The following ADAMTSL1 variants were observed in gnomAD, a reference collection of about 807,000 sequenced individuals.
The protein encoded by ADAMTSL1 is ADAMTS like 1, also known as ADAMTS-like protein 1.
In ADAMTSL1, 126 loss-of-function variants were observed where a neutral mutation model predicts 201.8. That is an observed-to-expected ratio of 0.62 (90% CI 0.54 to 0.72). ADAMTSL1 has a LOEUF of 0.72. Among genes scored for constraint, ADAMTSL1 ranks in the 30% least tolerant of loss-of-function variants. The pLI, the probability that ADAMTSL1 is intolerant of heterozygous loss-of-function variation, is 0.00. For synonymous variants in ADAMTSL1, 1,121 were observed against 903.4 expected, an observed-to-expected ratio of 1.24 and a Z score of -4.32; for missense variants, 2,679 against 2,277.8, an observed-to-expected ratio of 1.18 and a Z score of -3.59.
intron 1 of ADAMTSL1, among the ~76,000 whole-genome samples, chr9:17,959,215 G>A (rs888946635): frequency 6.6e-6 from 1 of 152,096 alleles, no homozygotes; most frequent in Admixed American, 6.6e-5. Flanking sequence ...CTAGAATTTG[G>A]CTGAACAGCA....
rs148099742 is a variant in ADAMTSL1, at chr9:18,615,100, A to G, written c.475-7143A>G. ...TTATGTAGTTTTATTGCAGATAAAT[A>G]TATTTCCATTAGGCTTTTGGAAACA... On this transcript the variant is annotated intron_variant, in intron 4 of 28. Transcript: ENST00000380548. 2.0e-5 allele frequency among the ~76,000 whole-genome samples: 3 copies of G among 152,338 alleles called. No homozygotes were observed. The East Asian group carries it at 5.8e-4, about 29-fold the overall frequency.
intron 2 of ADAMTSL1, among the ~76,000 whole-genome samples, chr9:18,307,874 A>C (rs761679295): frequency 2.6e-5 from 4 of 152,146 alleles, no homozygotes; most frequent in African/African-American, 9.6e-5. Context: ...CTCTTCACCC[A>C]AAATCAACAG....
At chr9:18,388,512 G>T (rs1366368926) in intron 2 of ADAMTSL1, among the ~76,000 whole-genome samples, 1 of 151,966 alleles carries the variant, frequency 6.6e-6, no homozygotes, top group African/African-American at 2.4e-5. Flanking sequence ...GACCTCAAGT[G>T]TTCTGCCTGC....
intron 1 of ADAMTSL1, among the ~76,000 whole-genome samples, chr9:18,018,565 G>A (rs886776479): frequency 6.6e-6 from 1 of 152,006 alleles, no homozygotes; most frequent in Non-Finnish European, 1.5e-5. Flanking sequence ...TGATCACTAT[G>A]GGAGAAGCCA....
At position 18,761,098 on chromosome 9, in the gene ADAMTSL1, AC is replaced by A. The variant is rs377271996; in HGVS notation, c.2217+7591del. On this transcript the variant is annotated intron_variant, in intron 16 of 28. Coordinates refer to ENST00000380548, the MANE Select transcript of ADAMTSL1 (RefSeq NM_001040272.6). ...AAAGAATGAATGAGTGAATGAAGAA[AC>A]AAGTGAAGTGAGTTGGAAGTTGTAA... Among the ~76,000 whole-genome samples, 12 of 152,356 alleles carry A rather than the reference AC, an allele frequency of 7.9e-5. No homozygotes were observed. The East Asian group carries it at 2.3e-3, about 29-fold the overall frequency.
At chr9:17,936,478 G>T (rs955428760) in intron 1 of ADAMTSL1, among the ~76,000 whole-genome samples, 1 of 152,152 alleles carries the variant, frequency 6.6e-6, no homozygotes, top group Non-Finnish European at 1.5e-5. Flanking sequence ...GACCTCAGGC[G>T]AGTCTAGTAG....
At chr9:18,126,853 C>T (rs1825752230) in intron 1 of ADAMTSL1, among the ~76,000 whole-genome samples, 2 of 152,044 alleles carry the variant, frequency 1.3e-5, no homozygotes, top group African/African-American at 4.8e-5. Flanking sequence ...ATGTTGAAAA[C>T]CCAGATTGCA....
At chr9:18,619,131 C>A (rs1023187998) in intron 4 of ADAMTSL1, among the ~76,000 whole-genome samples, 2 of 152,066 alleles carry the variant, frequency 1.3e-5, no homozygotes, top group African/African-American at 4.8e-5. Context: ...AGCATGTGCA[C>A]AGAGGGCCAA....
At chr9:18,014,294 A>C (rs902858314) in intron 1 of ADAMTSL1, among the ~76,000 whole-genome samples, 1 of 152,024 alleles carries the variant, frequency 6.6e-6, no homozygotes, top group Non-Finnish European at 1.5e-5. Context: ...ATGCAACATC[A>C]TGTGAAAATT....
chr9:18,478,797 T>A (rs1821587724), intron 1 of ADAMTSL1, among the ~76,000 whole-genome samples: 1 of 152,230 alleles, frequency 6.6e-6, no homozygotes, highest in African/African-American at 2.4e-5. Context: ...ATTGAGATAA[T>A]CACAGGAAAA....
chr9:18,191,460 C>T (rs1185144471), intron 2 of ADAMTSL1, among the ~76,000 whole-genome samples: 1 of 152,136 alleles, frequency 6.6e-6, no homozygotes, highest in East Asian at 1.9e-4. Context: ...CTTCTTCAAT[C>T]CATGGAGGCA....
At chr9:18,384,525 TC>T (rs1053351325) in intron 2 of ADAMTSL1, among the ~76,000 whole-genome samples, 2 of 152,072 alleles carry the variant, frequency 1.3e-5, no homozygotes, top group Non-Finnish European at 2.9e-5. Flanking sequence ...CTTTCACAGC[TC>T]CCTAAGAAGT....
At chr9:18,808,948 C>T (rs943907890) in intron 20 of ADAMTSL1, among the ~76,000 whole-genome samples, 2 of 151,306 alleles carry the variant, frequency 1.3e-5, no homozygotes, top group South Asian at 4.2e-4. Context: ...GGTTGTTATC[C>T]AAAAAATCCA....
chr9:18,523,826 G>T (rs1467757719), intron 2 of ADAMTSL1, among the ~76,000 whole-genome samples: 1 of 138,724 alleles, frequency 7.2e-6, no homozygotes, highest in Admixed American at 7.8e-5. Flanking sequence ...CCAGTACCAT[G>T]CTGTTTTGGT....
intron 1 of ADAMTSL1, among the ~76,000 whole-genome samples, chr9:17,923,898 A>T (rs10733346): frequency 0.95 from 88,265 of 93,232 alleles, 41,997 homozygotes; most frequent in East Asian, 1. Flanking sequence ...GGTTTTTGTC[A>T]TTGGTTCTGT....
intron 2 of ADAMTSL1, among the ~76,000 whole-genome samples, chr9:18,199,028 A>G (rs946098498): frequency 2.7e-5 from 4 of 146,294 alleles, no homozygotes; most frequent in Admixed American, 2.1e-4. Context: ...CAAACACCGC[A>G]TATTCTCACT....
At chr9:18,604,837 C>G (rs1824909341) in intron 4 of ADAMTSL1, among the ~76,000 whole-genome samples, 1 of 152,132 alleles carries the variant, frequency 6.6e-6, no homozygotes, top group Non-Finnish European at 1.5e-5. Flanking sequence ...AACAGCCATA[C>G]TGTTTTCTGC....
intron 19 of ADAMTSL1, among the ~76,000 whole-genome samples, chr9:18,781,249 G>C (rs371774330): frequency 6.6e-6 from 1 of 152,144 alleles, no homozygotes; most frequent in African/African-American, 2.4e-5. Context: ...TCGTTGTGGG[G>C]GAGGGTAGCA....
rs576090889 is a variant in ADAMTSL1 at position 18,279,453 on chromosome 9, G to C, written c.207+115472G>C. ...AGTGATTTATTTTTTCACTTTGGTG[G>C]GGTCATGTTTCCCTGATTATCTGTG... On this transcript the variant is annotated intron_variant, in intron 2 of 29. Coordinates refer to the ADAMTSL1 transcript ENST00000680146. Among the ~76,000 whole-genome samples, 15 of 150,584 alleles carry C rather than the reference G, an allele frequency of 1.0e-4. 1 individual carries two copies. Among genetic ancestry groups the C allele is most frequent in the Non-Finnish European group, 1.9e-4 (13 of 67,770 alleles).
Sources: gnomAD v4.1 joint callset for allele counts (sites outside exome capture counted in the v4.1 genomes callset) on GRCh38, gnomAD v4.1.1 for gene constraint, MANE v1.5 for transcripts, NCBI Gene and HGNC (gene_info 2026-07-23, HGNC 2026-07-21) for gene names.